SFTPD: variants seen among roughly 807,000 people sequenced by gnomAD.
The protein encoded by SFTPD is pulmonary surfactant-associated protein D.
SFTPD carries 18 observed loss-of-function variants against 34.6 expected under a neutral mutation model. The observed-to-expected ratio is 0.52, with a 90% CI of 0.36 to 0.77. The LOEUF is 0.77. Ranked by LOEUF, SFTPD falls within the 30% of genes least tolerant of loss-of-function variation. The pLI, the probability that SFTPD is intolerant of heterozygous loss-of-function variation, is 0.00. For missense variants in SFTPD, 433 were observed against 468.9 expected, an observed-to-expected ratio of 0.92 and a Z score of 0.71; for synonymous variants, 155 against 180.9, an observed-to-expected ratio of 0.86 and a Z score of 1.15.
chr10:79,960,869 G>A (rs1004445533), intron 1 of SFTPD, among the ~76,000 whole-genome samples: 3 of 152,158 alleles, frequency 2.0e-5, no homozygotes, highest in Non-Finnish European at 2.9e-5. Context: ...CAAAGCTGGA[G>A]GCATCATGCT....
intron 7 of SFTPD, among the ~76,000 whole-genome samples, chr10:79,939,721 T>C (rs1842593184): frequency 6.6e-6 from 1 of 152,234 alleles, no homozygotes; most frequent in South Asian, 2.1e-4. Flanking sequence ...ATTTCAGAGC[T>C]TGGGTACTTA....
chr10:79,940,077 A>G (rs1842595958), intron 7 of SFTPD, among the ~76,000 whole-genome samples: 1 of 152,176 alleles, frequency 6.6e-6, no homozygotes, highest in South Asian at 2.1e-4. Context: ...GAGATATCTG[A>G]TGGCCACATA....
intron 4 of SFTPD, 148 bp downstream of exon 4, chr10:79,942,240 T>C (rs924328077): frequency 1.4e-6 from 1 of 723,374 alleles, no homozygotes; most frequent in African/African-American, 1.8e-5. Context: ...AATATTGCAG[T>C]TGTGGGGATT....
At chr10:79,963,745 TATAA>T (rs1842787957) in intron 1 of SFTPD, among the ~76,000 whole-genome samples, 1 of 152,206 alleles carries the variant, frequency 6.6e-6, no homozygotes, top group Admixed American at 6.5e-5. Flanking sequence ...AACTCCCACT[TATAA>T]ATGAGAACAT....
intron 1 of SFTPD, among the ~76,000 whole-genome samples, chr10:79,976,649 C>A (rs891349714): frequency 1.3e-5 from 2 of 152,212 alleles, no homozygotes; most frequent in Non-Finnish European, 2.9e-5. Context: ...TCCACCTCCC[C>A]CTTCTGAGAA....
In SFTPD at chr10:79,938,100, C is replaced by T. The variant is rs1350958124; in HGVS notation, c.880G>A (p.Ala294Thr). ...AGGQLASPRS[A>T]AENAALQQLV... is the part of the protein sequence containing the mutation. ...TGTTGCAAGGCGGCATTCTCAGCGG[C>T]AGAGCGTGGAGAGGCCAACTGTCCA... The change falls in exon 8 of 8, where the codon GCC becomes ACC. Residue 294 changes from alanine (A) to threonine (T), a missense_variant. By Grantham distance (58) the Ala-to-Thr change is moderately conservative. Coordinates refer to ENST00000372292, the MANE Select transcript of SFTPD (RefSeq NM_003019.5). 1.9e-6 allele frequency: 3 copies of T among 1,614,202 alleles called. No homozygotes were observed. The highest frequency in any genetic ancestry group is 2.5e-6 in the Non-Finnish European group (3 of 1,180,034).
chr10:79,972,506 A>T (rs55808803), intron 1 of SFTPD: 10,330 of 109,904 alleles, frequency 0.094, 560 homozygotes, highest in South Asian at 0.3. Flanking sequence ...CTCAAAACAC[A>T]CACACAGACA....
chr10:79,941,039 A>G (rs1441743402), intron 6 of SFTPD, among the ~76,000 whole-genome samples: 1 of 125,658 alleles, frequency 8.0e-6, no homozygotes, highest in East Asian at 2.8e-4. Context: ...GTCTTGGAAT[A>G]TAATGGCATC....
At chr10:79,951,478 C>G (rs1176932557), upstream of SFTPD, among the ~76,000 whole-genome samples, 1 of 151,878 alleles carries the variant, frequency 6.6e-6, no homozygotes, top group Non-Finnish European at 1.5e-5. Context: ...TGTGTGGTGG[C>G]TTTATTATGC....
chr10:79,970,812 A>G (rs1842830776), intron 1 of SFTPD: 1 of 152,172 alleles, frequency 6.6e-6, no homozygotes, highest in Admixed American at 6.5e-5. Context: ...CTGCAAACAC[A>G]TAAAATTTGA....
chr10:79,941,888 A>G, intron 5 of SFTPD, 66 bp downstream of exon 5: 1 of 1,037,674 alleles, frequency 9.6e-7, no homozygotes, highest in Non-Finnish European at 1.5e-6. Context: ...GGGTGTAGGC[A>G]TTGACAGCTC....
At chr10:79,945,666 T>A (rs1842656989) in intron 2 of SFTPD, among the ~76,000 whole-genome samples, 1 of 152,188 alleles carries the variant, frequency 6.6e-6, no homozygotes, top group South Asian at 2.1e-4. Context: ...AATGCAACTT[T>A]ATCCCAAAGA....
At chr10:79,965,203 G>T (rs1168669177) in intron 1 of SFTPD, among the ~76,000 whole-genome samples, 1 of 152,050 alleles carries the variant, frequency 6.6e-6, no homozygotes, top group African/African-American at 2.4e-5. Context: ...CTCTCTAATT[G>T]GATGTCCTGG....
At chr10:79,957,362 G>A (rs1482729282) in intron 1 of SFTPD, among the ~76,000 whole-genome samples, 1 of 152,144 alleles carries the variant, frequency 6.6e-6, no homozygotes, top group Non-Finnish European at 1.5e-5. Context: ...GGAGCTACAG[G>A]AGGAAATTCA....
upstream of SFTPD, chr10:79,951,104 G>C (rs1407088535): frequency 6.6e-6 from 1 of 151,716 alleles, no homozygotes; most frequent in Non-Finnish European, 1.5e-5. Context: ...TTATTTTTCT[G>C]ATTTCCTTAT....
intron 7 of SFTPD, among the ~76,000 whole-genome samples, chr10:79,940,210 C>T (rs1287486297): frequency 6.6e-6 from 1 of 152,216 alleles, no homozygotes; most frequent in Non-Finnish European, 1.5e-5. Flanking sequence ...GACTCCCATA[C>T]CTGGCCCCTC....
intron 1 of SFTPD, among the ~76,000 whole-genome samples, chr10:79,964,027 C>T (rs1842789671): frequency 6.6e-6 from 1 of 152,160 alleles, no homozygotes. Context: ...AATCACCATT[C>T]ACCAGCAAAG....
chr10:79,971,744 C>A (rs1842836134), intron 1 of SFTPD: 1 of 152,014 alleles, frequency 6.6e-6, no homozygotes, highest in African/African-American at 2.4e-5. Context: ...TGACTTTATG[C>A]TTTTCTCTTG....
At chr10:79,944,188 C>A (rs901157829) in intron 2 of SFTPD, among the ~76,000 whole-genome samples, 9 of 152,244 alleles carry the variant, frequency 5.9e-5, no homozygotes, top group African/African-American at 2.2e-4. Flanking sequence ...CATTCACTCA[C>A]TCCATAAATA....
Sources: gnomAD v4.1 joint callset for allele counts (sites outside exome capture counted in the v4.1 genomes callset) on GRCh38, gnomAD v4.1.1 for gene constraint, MANE v1.5 for transcripts, NCBI Gene and HGNC (gene_info 2026-07-23, HGNC 2026-07-21) for gene names.